Variants in SLC25A16 observed in about 807,000 individuals in gnomAD.
The protein encoded by SLC25A16 is solute carrier family 25 member 16.
In SLC25A16, 39 loss-of-function variants were observed where a neutral mutation model predicts 41.5. The ratio of observed to expected loss-of-function variants is 0.94; its 90% CI spans 0.73 to 1.23. The LOEUF is 1.23. SLC25A16 is among the 50% of genes most tolerant of loss of function. The pLI is 0.00. For missense variants in SLC25A16, 421 were observed against 426.9 expected, an observed-to-expected ratio of 0.99 and a Z score of 0.12; for synonymous variants, 146 against 147.8, an observed-to-expected ratio of 0.99 and a Z score of 0.09.
intron 1 of SLC25A16, among the ~76,000 whole-genome samples, chr10:68,525,145 T>G (rs2053316669): frequency 6.6e-6 from 1 of 152,148 alleles, no homozygotes; most frequent in Non-Finnish European, 1.5e-5. Context: ...TTGTTTTATT[T>G]TATTTTGTTT....
intron 6 of SLC25A16, among the ~76,000 whole-genome samples, chr10:68,489,034 C>CT (rs1421643276): frequency 5.3e-5 from 8 of 152,312 alleles, no homozygotes; most frequent in African/African-American, 1.9e-4. Context: ...ATTTGGGAGG[C>CT]TGAGGTGGGC....
intron 4 of SLC25A16, among the ~76,000 whole-genome samples, chr10:68,495,736 C>T (rs533503357): frequency 6.8e-4 from 91 of 133,750 alleles, no homozygotes; most frequent in Non-Finnish European, 1.2e-3. Context: ...GAGCCGAGAT[C>T]ATGCCACTGC....
chr10:68,517,112 T>C (rs2053173169), intron 1 of SLC25A16: 2 of 1,126,990 alleles, frequency 1.8e-6, no homozygotes, highest in South Asian at 6.6e-5. Flanking sequence ...CTTGCTAAAA[T>C]GTGGTTATGG....
intron 1 of SLC25A16, among the ~76,000 whole-genome samples, chr10:68,521,436 G>C (rs888823708): frequency 6.6e-6 from 1 of 152,018 alleles, no homozygotes; most frequent in Non-Finnish European, 1.5e-5. Flanking sequence ...GTCTGAGGTG[G>C]CAGAATCGCT....
At chr10:68,515,989 T>C (rs1391738440) in intron 2 of SLC25A16, among the ~76,000 whole-genome samples, 8 of 152,064 alleles carry the variant, frequency 5.3e-5, no homozygotes, top group Non-Finnish European at 8.8e-5. Context: ...ATGAAAGGAT[T>C]ATAATGGATA....
Position 68,479,424 on chromosome 10 carries a change from A to G in SLC25A16, c.*4008T>C, listed in dbSNP as rs1019355193. 2.0e-5 allele frequency: 3 copies of G among 152,178 alleles called. No homozygotes were observed. The allele number at this position is 152,178 out of a possible 1,614,324, so 9.4% of individuals were successfully genotyped here. Reference sequence around the variant, plus strand: ...AATCAGATTGCAAGTACAGCTAACAAGCCTCCCAAGGGAAGTCCTCCATAA... The same window carrying G: ...AATCAGATTGCAAGTACAGCTAACAGGCCTCCCAAGGGAAGTCCTCCATAA... On this transcript the variant is annotated 3_prime_UTR_variant, in exon 9 of 9. Transcript: ENST00000609923.
intron 1 of SLC25A16, among the ~76,000 whole-genome samples, chr10:68,524,199 A>G (rs1371883700): frequency 6.7e-6 from 1 of 149,578 alleles, no homozygotes; most frequent in Non-Finnish European, 1.5e-5. Flanking sequence ...AGTCCCAGCT[A>G]CTCAGGAGGC....
At chr10:68,513,819 G>C (rs1037440114) in intron 2 of SLC25A16, among the ~76,000 whole-genome samples, 3 of 152,074 alleles carry the variant, frequency 2.0e-5, no homozygotes, top group Non-Finnish European at 2.9e-5. Flanking sequence ...GAACCCAGGA[G>C]GCAGAGGTTG....
At position 68,478,360 on chromosome 10, in the gene SLC25A16, A is replaced by G. The variant is rs1268693786; in HGVS notation, c.*5072T>C. The G allele has an allele frequency of 6.6e-6, 1 of 152,214 alleles. No individual in the cohort carries two copies. The highest frequency in any genetic ancestry group is 2.4e-5 in the African/African-American group (1 of 41,464). 9.4% of individuals were successfully genotyped at this position (152,214 alleles called of 1,614,324 possible). On this transcript the variant is annotated 3_prime_UTR_variant, in exon 9 of 9. Coordinates refer to ENST00000609923, the MANE Select transcript of SLC25A16 (RefSeq NM_152707.4). ...ATTTATCACCAGTTTCTAGTGCCCA[A>G]TACTAGAATGTGTCTGGGTTTCAAA...
intron 4 of SLC25A16, among the ~76,000 whole-genome samples, chr10:68,494,704 C>G (rs536081720): frequency 2.2e-5 from 3 of 138,336 alleles, no homozygotes; most frequent in Non-Finnish European, 4.9e-5. Context: ...TGGTGAAACC[C>G]CATCTCTACT....
chr10:68,508,343 T>C (rs1248440926), intron 2 of SLC25A16, among the ~76,000 whole-genome samples: 9 of 146,280 alleles, frequency 6.2e-5, no homozygotes, highest in African/African-American at 2.3e-4. Context: ...CCAATAAAAC[T>C]GTCAATTCAT....
At chr10:68,492,305 C>G (rs1178339616) in intron 6 of SLC25A16, among the ~76,000 whole-genome samples, 2 of 152,268 alleles carry the variant, frequency 1.3e-5, no homozygotes, top group South Asian at 4.1e-4. Flanking sequence ...TCCTTCGGGT[C>G]TAGTCATTCC....
chr10:68,513,205 A>G (rs2053098341), intron 2 of SLC25A16, among the ~76,000 whole-genome samples: 1 of 151,804 alleles, frequency 6.6e-6, no homozygotes, highest in Admixed American at 6.6e-5. Context: ...ATAAAAAATA[A>G]GAAACCAGCC....
chr10:68,526,054 G>A (rs545569562), intron 1 of SLC25A16, among the ~76,000 whole-genome samples: 3 of 152,028 alleles, frequency 2.0e-5, no homozygotes, highest in Admixed American at 2.0e-4. Flanking sequence ...CGTGGGAAGG[G>A]AAAGACCTGA....
At chr10:68,521,176 A>G (rs12219699) in intron 1 of SLC25A16, among the ~76,000 whole-genome samples, 12,690 of 151,978 alleles carry the variant, frequency 0.083, 774 homozygotes, top group South Asian at 0.24. Flanking sequence ...CTCACATTTA[A>G]TATCAAGTGC....
Position 68,480,536 on chromosome 10 carries a change from G to T in SLC25A16, c.*2896C>A, listed in dbSNP as rs1042165005. On this transcript the variant is annotated 3_prime_UTR_variant, in exon 9 of 9. Coordinates refer to ENST00000609923, the MANE Select transcript of SLC25A16 (RefSeq NM_152707.4). ...TTTTGAGATGGAGTCTTGCTCTGTC[G>T]CCCAGGTTAGAATGCAGTGGCACGA... is the stretch of plus-strand genomic sequence containing the variant. The T allele has an allele frequency of 8.8e-6, 1 of 113,706 alleles. No individual in the cohort carries two copies. The highest frequency in any genetic ancestry group is 1.6e-5 in the Non-Finnish European group (1 of 61,256). The allele number at this position is 113,706 out of a possible 1,614,324, so 7.0% of individuals were successfully genotyped here.
intron 1 of SLC25A16, among the ~76,000 whole-genome samples, chr10:68,518,819 T>C (rs2053204340): frequency 6.6e-6 from 1 of 151,238 alleles, no homozygotes; most frequent in East Asian, 1.9e-4. Flanking sequence ...ATTAAATAAA[T>C]AAATAAATAA....
chr10:68,518,999 C>T (rs1013193196), intron 1 of SLC25A16, among the ~76,000 whole-genome samples: 1 of 150,094 alleles, frequency 6.7e-6, no homozygotes. Flanking sequence ...TTGAGACCAG[C>T]CCGACCAACA....
At chr10:68,506,043 T>TTAAA (rs202242577) in intron 3 of SLC25A16, among the ~76,000 whole-genome samples, 8,813 of 150,534 alleles carry the variant, frequency 0.059, 316 homozygotes, top group African/African-American at 0.11. Flanking sequence ...AAAAATAAAA[T>TTAAA]TAAATAAATA....
Sources: allele counts gnomAD v4.1 joint callset (sites outside exome capture counted in the v4.1 genomes callset), GRCh38; gene constraint gnomAD v4.1.1; transcripts MANE v1.5; gene names NCBI Gene and HGNC (gene_info 2026-07-23, HGNC 2026-07-21).